The following TMEM156 variants were observed in gnomAD, a reference collection of about 807,000 sequenced individuals.
TMEM156 encodes transmembrane protein 156.
Under a neutral mutation model 30.5 loss-of-function variants are expected in TMEM156, and 28 were observed. The observed-to-expected ratio is 0.92, with a 90% CI of 0.68 to 1.26. The LOEUF is 1.26. Among genes scored for constraint, TMEM156 ranks in the 50% most tolerant of loss-of-function variants. The probability of loss-of-function intolerance (pLI) is 0.00; values close to 1 mark genes in which losing one functional copy is unlikely to be tolerated. For synonymous variants in TMEM156, 137 were observed against 119.9 expected (o/e 1.14, Z -0.93); for missense variants, 351 against 340.6 (o/e 1.03, Z -0.24).
intron 5 of TMEM156, among the ~76,000 whole-genome samples, chr4:38,983,423 C>G (rs1455390868): frequency 1.3e-5 from 2 of 152,136 alleles, no homozygotes; most frequent in African/African-American, 4.8e-5. Context: ...TTTTGAGACA[C>G]AGTCTTGCTC....
intron 5 of TMEM156, among the ~76,000 whole-genome samples, chr4:38,973,526 A>C (rs190879776): frequency 8.5e-5 from 13 of 152,196 alleles, no homozygotes; most frequent in Non-Finnish European, 1.5e-4. Flanking sequence ...GATCCCATTA[A>C]TTTTTTAAAT....
chr4:38,994,019 T>C, intron 2 of TMEM156, 21 bp from the exon 3 acceptor site: 4 of 1,598,240 alleles, frequency 2.5e-6, no homozygotes, highest in Non-Finnish European at 3.4e-6. Flanking sequence ...ATTAAGAAAA[T>C]GTTATTTGCA....
intron 1 of TMEM156, among the ~76,000 whole-genome samples, chr4:39,017,843 G>A (rs1170691418): frequency 3.3e-5 from 5 of 151,932 alleles, no homozygotes; most frequent in African/African-American, 4.8e-5. Flanking sequence ...TATTTGTTCC[G>A]TATATTTTTC....
chr4:39,020,397 T>C (rs1370993670), intron 1 of TMEM156, among the ~76,000 whole-genome samples: 8 of 152,120 alleles, frequency 5.3e-5, no homozygotes, highest in Admixed American at 2.6e-4. Context: ...CTGGGCGATA[T>C]GGTAGTTCTA....
chr4:39,028,487 CCT>C (rs1715340230), intron 1 of TMEM156: 1 of 152,180 alleles, frequency 6.6e-6, no homozygotes, highest in East Asian at 1.9e-4. Flanking sequence ...TGTTTACATC[CCT>C]GTTTCAGTTA....
chr4:38,992,933 T>C (rs1028650701), intron 3 of TMEM156, among the ~76,000 whole-genome samples: 2 of 150,310 alleles, frequency 1.3e-5, no homozygotes, highest in Non-Finnish European at 1.5e-5. Flanking sequence ...AGCTAATTTT[T>C]TATATTTTTA....
chr4:39,002,006 T>C (rs1018171879), intron 1 of TMEM156, among the ~76,000 whole-genome samples: 2 of 132,916 alleles, frequency 1.5e-5, no homozygotes, highest in Admixed American at 7.7e-5. Flanking sequence ...CCAAAAGCAA[T>C]GGCAACAAAA....
chr4:38,973,844 T>C (rs1217103548), intron 5 of TMEM156, among the ~76,000 whole-genome samples: 1 of 152,194 alleles, frequency 6.6e-6, no homozygotes, highest in Non-Finnish European at 1.5e-5. Flanking sequence ...GAGAGAAATA[T>C]ATTTTATCAT....
chr4:38,984,307 A>C (rs991955571), intron 5 of TMEM156, among the ~76,000 whole-genome samples: 2 of 142,200 alleles, frequency 1.4e-5, no homozygotes, highest in African/African-American at 5.4e-5. Flanking sequence ...GAGCCCATTT[A>C]TCTCTCTCTC....
At chr4:38,997,350 A>T (rs977373115) in intron 2 of TMEM156, among the ~76,000 whole-genome samples, 4 of 152,220 alleles carry the variant, frequency 2.6e-5, no homozygotes, top group Admixed American at 2.6e-4. Flanking sequence ...TGATGGGCGC[A>T]CTAGAAGCCC....
At chr4:39,003,426 C>T (rs2109995734) in intron 1 of TMEM156, among the ~76,000 whole-genome samples, 1 of 152,206 alleles carries the variant, frequency 6.6e-6, no homozygotes, top group South Asian at 2.1e-4. Flanking sequence ...CCTCTTCCTC[C>T]TGGGTTCAAG....
chr4:38,971,333 G>A (rs775022506), intron 5 of TMEM156, among the ~76,000 whole-genome samples, 196 bp from the exon 6 acceptor site: 3 of 152,076 alleles, frequency 2.0e-5, no homozygotes, highest in Non-Finnish European at 2.9e-5. Context: ...CTCACCCCAC[G>A]TCCTGGGCAC....
At chr4:39,001,282 G>A (rs1713337982) in intron 1 of TMEM156, among the ~76,000 whole-genome samples, 1 of 150,384 alleles carries the variant, frequency 6.6e-6, no homozygotes, top group South Asian at 2.1e-4. Context: ...AGCTACTCAG[G>A]AGGCTGAGGC....
rs563380308 is a variant in TMEM156, at chr4:38,979,683, T to G, written c.823+6653A>C. On this transcript the variant is annotated intron_variant, in intron 5 of 6. Transcript: ENST00000381938. ...AGCCATCATGACTCTTCATGGAAACTATGGCAATAAATGTCTAAACAGTTA... is the reference window on the plus strand; with the variant it reads ...AGCCATCATGACTCTTCATGGAAACGATGGCAATAAATGTCTAAACAGTTA... Among the ~76,000 whole-genome samples, 6 of 152,318 alleles carry G rather than the reference T, an allele frequency of 3.9e-5. No individual in the cohort carries two copies. The South Asian group carries it at 1.0e-3, about 26-fold the overall frequency.
At chr4:38,977,597 C>A (rs1722924812) in intron 5 of TMEM156, among the ~76,000 whole-genome samples, 2 of 152,146 alleles carry the variant, frequency 1.3e-5, no homozygotes, top group Admixed American at 1.3e-4. Flanking sequence ...AATACAATTT[C>A]TTTCAAATAA....
At chr4:38,972,280 G>A (rs1174407311) in intron 5 of TMEM156, among the ~76,000 whole-genome samples, 1 of 101,984 alleles carries the variant, frequency 9.8e-6, no homozygotes, top group Non-Finnish European at 1.8e-5. Flanking sequence ...TTGAGACAGA[G>A]TCTCACTCTG....
At chr4:38,995,863 C>T (rs1444632410) in intron 2 of TMEM156, among the ~76,000 whole-genome samples, 1 of 152,204 alleles carries the variant, frequency 6.6e-6, no homozygotes, top group East Asian at 1.9e-4. Flanking sequence ...TTTCAGAACA[C>T]TCATACTGGA....
intron 2 of TMEM156, 65 bp downstream of exon 2, chr4:38,998,575 T>C (rs1412243631): frequency 7.0e-7 from 1 of 1,423,872 alleles, no homozygotes; most frequent in Non-Finnish European, 9.3e-7. Context: ...TATTAATACG[T>C]TTTTAACAGA....
chr4:39,005,973 G>A (rs1412810829), intron 1 of TMEM156, among the ~76,000 whole-genome samples: 8 of 152,126 alleles, frequency 5.3e-5, no homozygotes, highest in Non-Finnish European at 1.0e-4. Context: ...TCGGCTCACT[G>A]CAACCTCTGC....
Sources: allele counts gnomAD v4.1 joint callset (sites outside exome capture counted in the v4.1 genomes callset), GRCh38; gene constraint gnomAD v4.1.1; transcripts MANE v1.5; gene names NCBI Gene and HGNC (gene_info 2026-07-23, HGNC 2026-07-21).